Variants in PRR16 observed in about 807,000 individuals in gnomAD.
PRR16 encodes the protein protein Largen.
PRR16 carries 6 observed loss-of-function variants against 18.2 expected under a neutral mutation model. That is an observed-to-expected ratio of 0.33 (90% confidence interval 0.18 to 0.65). PRR16 has a LOEUF of 0.65. Among genes scored for constraint, PRR16 ranks in the 30% least tolerant of loss-of-function variants. The pLI is 0.74. For synonymous variants in PRR16, 151 were observed against 147.8 expected (o/e 1.02, Z -0.16); for missense variants, 412 against 376.6 (o/e 1.09, Z -0.78).
the PRR16 span, among the ~76,000 whole-genome samples, chr5:120,756,054 C>T: frequency 6.6e-6 from 1 of 152,034 alleles, no homozygotes; most frequent in South Asian, 2.1e-4. Flanking sequence ...GGTGACCAGT[C>T]AGAGGCTGAA....
chr5:120,666,133 T>C (rs1398539788), intron 1 of PRR16, among the ~76,000 whole-genome samples: 3 of 152,204 alleles, frequency 2.0e-5, no homozygotes, highest in Non-Finnish European at 2.9e-5. Flanking sequence ...TTTTATATCA[T>C]TGAGCAGTGG....
Position 120,491,541 on chromosome 5 carries a change from C to T in PRR16, c.159+26896C>T, listed in dbSNP as rs928522637. Among the ~76,000 whole-genome samples the T allele has an allele frequency of 9.4e-5, 14 of 149,120 alleles. No homozygotes were observed. The Admixed American group carries it at 9.6e-4, about 10-fold the overall frequency. On this transcript the variant is annotated intron_variant, in intron 1 of 1. Coordinates refer to ENST00000407149, the MANE Select transcript of PRR16 (RefSeq NM_001300783.2). ...TTTCTGTCTCTCTTTTTCTCTCTTT[C>T]TCTCTTTTTCTCTTCCTTACATGAT... is the stretch of plus-strand genomic sequence containing the variant.
At chr5:120,683,574 CT>C (rs1757036389) in intron 1 of PRR16, among the ~76,000 whole-genome samples, 1 of 151,408 alleles carries the variant, frequency 6.6e-6, no homozygotes, top group African/African-American at 2.4e-5. Flanking sequence ...TAATTGTTCC[CT>C]GTTATTTTTA....
chr5:120,487,845 T>A (rs1358366470), intron 1 of PRR16, among the ~76,000 whole-genome samples: 1 of 152,152 alleles, frequency 6.6e-6, no homozygotes, highest in Non-Finnish European at 1.5e-5. Flanking sequence ...TTATTGAGAG[T>A]TGTTAGCATG....
chr5:120,605,952 T>C (rs1280607449), intron 1 of PRR16, among the ~76,000 whole-genome samples: 2 of 152,098 alleles, frequency 1.3e-5, no homozygotes, highest in African/African-American at 2.4e-5. Flanking sequence ...GCAAAAGCAC[T>C]CCAGCCAGGC....
At chr5:120,677,905 C>CTTTTTTTTTT (rs386404833) in intron 1 of PRR16, among the ~76,000 whole-genome samples, 49 of 93,214 alleles carry the variant, frequency 5.3e-4, no homozygotes, top group African/African-American at 7.9e-4. Context: ...CTTTTTCTTT[C>CTTTTTTTTTT]TTTTTTTTTT....
chr5:120,569,508 A>C (rs979016608), intron 1 of PRR16, among the ~76,000 whole-genome samples: 13 of 152,276 alleles, frequency 8.5e-5, no homozygotes, highest in African/African-American at 3.1e-4. Context: ...ATAAAGATTT[A>C]CTGTCTTGGA....
At chr5:120,564,511 C>G (rs1389288994) in intron 1 of PRR16, among the ~76,000 whole-genome samples, 1 of 152,074 alleles carries the variant, frequency 6.6e-6, no homozygotes, top group East Asian at 1.9e-4. Flanking sequence ...CTGAGGCAAG[C>G]ATGTCTTTGC....
the PRR16 span, among the ~76,000 whole-genome samples, chr5:120,753,997 A>T: frequency 1.2e-4 from 14 of 120,740 alleles, no homozygotes; most frequent in Non-Finnish European, 2.0e-4. Context: ...TAACATATAT[A>T]ATATATATAT....
chr5:120,600,714 A>G (rs773259931), intron 1 of PRR16, among the ~76,000 whole-genome samples: 2 of 151,828 alleles, frequency 1.3e-5, no homozygotes, highest in Non-Finnish European at 2.9e-5. Context: ...TTTCCGGCCC[A>G]CATCCTATTC....
the PRR16 span, among the ~76,000 whole-genome samples, chr5:120,780,186 C>T: frequency 6.6e-6 from 1 of 152,178 alleles, no homozygotes; most frequent in African/African-American, 2.4e-5. Flanking sequence ...ACTCCAAAAA[C>T]ATCACATCCT....
chr5:120,479,117 A>T (rs1237336559), intron 1 of PRR16, among the ~76,000 whole-genome samples: 1 of 152,104 alleles, frequency 6.6e-6, no homozygotes, highest in African/African-American at 2.4e-5. Flanking sequence ...GCCTATTCAG[A>T]TACTAAAGTA....
chr5:120,762,153 T>G, the PRR16 span, among the ~76,000 whole-genome samples: 1 of 152,182 alleles, frequency 6.6e-6, no homozygotes, highest in Non-Finnish European at 1.5e-5. Context: ...CTTTGGCTAC[T>G]GCTATAGTGT....
chr5:120,751,296 G>T, the PRR16 span, among the ~76,000 whole-genome samples: 5 of 152,120 alleles, frequency 3.3e-5, no homozygotes, highest in Non-Finnish European at 5.9e-5. Context: ...CCTAGCAAAA[G>T]TATTGCTGGA....
At chr5:120,563,528 G>A (rs1608668) in intron 1 of PRR16, among the ~76,000 whole-genome samples, 31,406 of 152,044 alleles carry the variant, frequency 0.21, 3,353 homozygotes, top group Non-Finnish European at 0.21. Flanking sequence ...ACCACCAACA[G>A]CCCATGAAGG....
the PRR16 span, among the ~76,000 whole-genome samples, chr5:120,708,493 T>A: frequency 2.0e-5 from 3 of 152,172 alleles, no homozygotes; most frequent in African/African-American, 7.2e-5. Flanking sequence ...TTGCATGAAA[T>A]TCTCTCAAAA....
At chr5:120,485,304 A>G (rs772752372) in intron 1 of PRR16, among the ~76,000 whole-genome samples, 2 of 152,174 alleles carry the variant, frequency 1.3e-5, no homozygotes, top group African/African-American at 2.4e-5. Context: ...AATGTTTTGC[A>G]TGATTCCAGA....
At chr5:120,693,094 G>A in the PRR16 span, among the ~76,000 whole-genome samples, 1 of 152,052 alleles carries the variant, frequency 6.6e-6, no homozygotes, top group Admixed American at 6.6e-5. Flanking sequence ...AGAAATTTAG[G>A]ACTGTGATGA....
intron 1 of PRR16, among the ~76,000 whole-genome samples, chr5:120,491,073 GC>G (rs918450637): frequency 1.3e-5 from 2 of 152,164 alleles, no homozygotes; most frequent in African/African-American, 4.8e-5. Flanking sequence ...ACTGGGGGGT[GC>G]CTCCCAGTTA....
Sources: allele counts gnomAD v4.1 joint callset (sites outside exome capture counted in the v4.1 genomes callset), GRCh38; gene constraint gnomAD v4.1.1; transcripts MANE v1.5; gene names NCBI Gene and HGNC (gene_info 2026-07-23, HGNC 2026-07-21).